The following TRAP1 variants were observed in gnomAD, a reference collection of about 807,000 sequenced individuals.
TRAP1 encodes heat shock protein 75 kDa, mitochondrial.
Under a neutral mutation model 89.1 loss-of-function variants are expected in TRAP1, and 102 were observed. The ratio of observed to expected loss-of-function variants is 1.15; its 90% CI spans 0.98 to 1.35. The LOEUF is 1.35. Among genes scored for constraint, TRAP1 ranks in the 40% most tolerant of loss-of-function variants. The pLI, the probability that TRAP1 is intolerant of heterozygous loss-of-function variation, is 0.00. For missense variants in TRAP1, 1,256 were observed against 945.3 expected, an observed-to-expected ratio of 1.33 and a Z score of -4.31; for synonymous variants, 508 against 388.0, an observed-to-expected ratio of 1.31 and a Z score of -3.64.
intron 2 of TRAP1, 105 bp from the exon 3 acceptor site, chr16:3,689,242 CTTTTTT>C (rs34759526): frequency 1.2e-4 from 51 of 425,706 alleles, no homozygotes; most frequent in South Asian, 3.2e-4. Flanking sequence ...GAGTTTTAAA[CTTTTTT>C]TTTTTTTTTT....
intron 1 of TRAP1, 46 bp from the exon 2 acceptor site, chr16:3,691,031 A>G: frequency 7.1e-7 from 1 of 1,413,070 alleles, no homozygotes; most frequent in Non-Finnish European, 9.3e-7. Context: ...GGAAGACACG[A>G]GAAACAATAT....
chr16:3,685,661 G>C (rs1432999962), intron 4 of TRAP1, among the ~76,000 whole-genome samples: 1 of 152,114 alleles, frequency 6.6e-6, no homozygotes, highest in East Asian at 1.9e-4. Context: ...GGAAAACGCA[G>C]TTAAAAATAT....
chr16:3,658,903 C>T (rs1451749972), intron 16 of TRAP1, 38 bp from the exon 17 acceptor site: 2 of 1,602,946 alleles, frequency 1.2e-6, no homozygotes, highest in Middle Eastern at 1.7e-4. Flanking sequence ...CAGCTCAGTA[C>T]CACGTGCTGT....
At chr16:3,674,057 C>A (rs1479532302) in intron 9 of TRAP1, among the ~76,000 whole-genome samples, 1 of 152,208 alleles carries the variant, frequency 6.6e-6, no homozygotes, top group African/African-American at 2.4e-5. Flanking sequence ...GAGGAAACCT[C>A]TGTGGTTACC....
intron 8 of TRAP1, 85 bp from the exon 9 acceptor site, chr16:3,674,579 C>A (rs2050961979): frequency 6.6e-7 from 1 of 1,510,034 alleles, no homozygotes. Flanking sequence ...CAGTGCAGCG[C>A]CTGGCCCTGG....
chr16:3,685,893 G>T, intron 4 of TRAP1, 103 bp downstream of exon 4: 2 of 1,362,336 alleles, frequency 1.5e-6, no homozygotes, highest in South Asian at 1.4e-5. Context: ...CTGGTGGTAC[G>T]GACGGCCAGT....
chr16:3,690,763 T>G, intron 2 of TRAP1, 64 bp downstream of exon 2: 1 of 1,326,352 alleles, frequency 7.5e-7, no homozygotes, highest in Non-Finnish European at 9.7e-7. Flanking sequence ...ACCCTGAAAA[T>G]GCCCCTTTAC....
chr16:3,705,260 A>C (rs1462822265), intron 1 of TRAP1, among the ~76,000 whole-genome samples: 4 of 151,708 alleles, frequency 2.6e-5, no homozygotes, highest in Non-Finnish European at 5.9e-5. Context: ...TAGTAGACAC[A>C]GGGTTTCACC....
At chr16:3,663,357 T>A in intron 14 of TRAP1, 67 bp downstream of exon 14, 1 of 1,595,784 alleles carries the variant, frequency 6.3e-7, no homozygotes, top group Admixed American at 1.7e-5. Context: ...AAGCCCTCGC[T>A]GCGGGGCAGG....
chr16:3,714,268 G>A (rs1263833650), intron 1 of TRAP1, among the ~76,000 whole-genome samples: 2 of 152,120 alleles, frequency 1.3e-5, no homozygotes, highest in African/African-American at 2.4e-5. Flanking sequence ...TTGACGACTC[G>A]GGGGCATTGG....
At chr16:3,672,896 A>C (rs1236309835) in intron 9 of TRAP1, 76 bp from the exon 10 acceptor site, 19 of 1,528,286 alleles carry the variant, frequency 1.2e-5, no homozygotes, top group Non-Finnish European at 1.4e-5. Context: ...GTGGGGGCGG[A>C]CACGATGAAT....
Position 3,685,977 on chromosome 16 carries a change from T to A in TRAP1, c.471+19A>T. 1 of 1,612,690 alleles carries A rather than the reference T, an allele frequency of 6.2e-7. No homozygotes were observed. Among genetic ancestry groups the A allele is most frequent in the Non-Finnish European group, 8.5e-7 (1 of 1,179,272 alleles). On this transcript the variant is annotated intron_variant, in intron 4 of 17. Coordinates refer to ENST00000246957, the MANE Select transcript of TRAP1 (RefSeq NM_016292.3). ...TGCATGGCCGGGCCTGCCACACGCC[T>A]GGACACTGAGGGAGGTACCTGGATG...
At chr16:3,705,234 T>G (rs1030745346) in intron 1 of TRAP1, among the ~76,000 whole-genome samples, 2 of 151,962 alleles carry the variant, frequency 1.3e-5, no homozygotes, top group Non-Finnish European at 2.9e-5. Flanking sequence ...CCGGCTAATT[T>G]TTTGTATTTT....
intron 15 of TRAP1, 82 bp downstream of exon 15, chr16:3,662,800 G>A (rs1215262549): frequency 1.5e-6 from 2 of 1,360,316 alleles, no homozygotes; most frequent in Non-Finnish European, 2.1e-6. Flanking sequence ...CACCCAACGG[G>A]CCAGGTACTG....
rs1596760124 is a variant in TRAP1, at chr16:3,711,618, C to A, written c.88+5803G>T. ...CATCTTGAAAAAAACAAAAAAAAAA[C>A]AAAAACCAAAACAAAAACAAAAAAA... On this transcript the variant is annotated intron_variant, in intron 1 of 17. Coordinates refer to ENST00000246957, the MANE Select transcript of TRAP1 (RefSeq NM_016292.3). Among the ~76,000 whole-genome samples, 4 of 150,998 alleles carry A rather than the reference C, an allele frequency of 2.6e-5. No homozygotes were observed. In the South Asian group the frequency reaches 6.3e-4, roughly 24 times the overall value.
chr16:3,704,057 A>C (rs73489760), intron 1 of TRAP1, among the ~76,000 whole-genome samples: 202 of 151,968 alleles, frequency 1.3e-3, no homozygotes, highest in African/African-American at 4.0e-3. Flanking sequence ...CAAAAGTTAC[A>C]TTACAGGCCA....
chr16:3,670,511 G>C (rs2050899550), intron 11 of TRAP1, among the ~76,000 whole-genome samples: 1 of 151,486 alleles, frequency 6.6e-6, no homozygotes, highest in Non-Finnish European at 1.5e-5. Context: ...GATCAGCCTG[G>C]GCAACATAGT....
At chr16:3,707,467 G>C (rs1224911165) in intron 1 of TRAP1, among the ~76,000 whole-genome samples, 2 of 151,452 alleles carry the variant, frequency 1.3e-5, no homozygotes, top group Admixed American at 6.6e-5. Context: ...TTACAAGCGT[G>C]AGCCACCGCG....
intron 1 of TRAP1, among the ~76,000 whole-genome samples, chr16:3,703,953 T>G (rs1218045526): frequency 6.7e-6 from 1 of 149,034 alleles, no homozygotes; most frequent in East Asian, 1.9e-4. Flanking sequence ...AGGCGGAGCG[T>G]GCAGTGAGCC....
Sources: allele counts gnomAD v4.1 joint callset (sites outside exome capture counted in the v4.1 genomes callset), GRCh38; gene constraint gnomAD v4.1.1; transcripts MANE v1.5; gene names NCBI Gene and HGNC (gene_info 2026-07-23, HGNC 2026-07-21).